Variants in CECR2 observed in about 807,000 individuals in gnomAD.
The protein encoded by CECR2 is CECR2 histone acetyl-lysine reader.
Under a neutral mutation model 154.5 loss-of-function variants are expected in CECR2, and 30 were observed. That is an observed-to-expected ratio of 0.19 (90% CI 0.15 to 0.26). The LOEUF (loss-of-function observed/expected upper bound fraction) is 0.26, where lower values mean the gene tolerates loss of function less well. Among genes scored for constraint, CECR2 ranks in the 10% least tolerant of loss-of-function variants. The pLI is 1.00. For missense variants in CECR2, 1,743 were observed against 1,829.3 expected, an observed-to-expected ratio of 0.95 and a Z score of 0.86; for synonymous variants, 725 against 683.7, an observed-to-expected ratio of 1.06 and a Z score of -0.94.
At chr22:17,422,139 TTTTC>T (rs1263230023) in intron 1 of CECR2, among the ~76,000 whole-genome samples, 1 of 152,132 alleles carries the variant, frequency 6.6e-6, no homozygotes, top group Non-Finnish European at 1.5e-5. Flanking sequence ...GTTTTCTTTC[TTTTC>T]TTTATGTGTA....
At chr22:17,478,888 A>G (rs1195545806) in intron 2 of CECR2, among the ~76,000 whole-genome samples, 1 of 152,212 alleles carries the variant, frequency 6.6e-6, no homozygotes, top group African/African-American at 2.4e-5. Flanking sequence ...AACATAAAAT[A>G]TACCTTAGAA....
At chr22:17,448,363 T>C (rs567003010) in intron 1 of CECR2, among the ~76,000 whole-genome samples, 2 of 152,314 alleles carry the variant, frequency 1.3e-5, no homozygotes, top group Non-Finnish European at 2.9e-5. Flanking sequence ...TATCATTAAG[T>C]TTTTGTAAAT....
At position 17,360,201 on chromosome 22, in the gene CECR2, C is replaced by T. The variant is rs927549083; in HGVS notation, c.-364+178C>T. On this transcript the variant is annotated intron_variant, in intron 1 of 18. Coordinates refer to the CECR2 transcript ENST00000400585. ...AAGGCTTAAACATAATCTTAAAATG[C>T]GGTGATTAGTTACGCAGAGCTGGGT... Among the ~76,000 whole-genome samples, 7 of 152,310 alleles carry T rather than the reference C, an allele frequency of 4.6e-5. No individual in the cohort carries two copies. In the South Asian group the frequency reaches 8.3e-4, roughly 18 times the overall value.
In CECR2 at chr22:17,548,682, A is replaced by G. The variant is rs2088415486; in HGVS notation, c.3395A>G (p.His1132Arg). The part of the protein sequence containing the change: ...PGLEYPNSAA[H>R]YHISPGLQGV... ...CTAGAGTACCCGAATTCAGCTGCCC[A>G]TTACCACATCAGTCCAGGCCTGCAG... Residue 1132 changes from histidine (H) to arginine (R), a missense_variant, in exon 17 of 19, where the codon CAT becomes CGT. Transcript: ENST00000262608. 6.8e-6 allele frequency: 11 copies of G among 1,613,434 alleles called. No homozygotes were observed. In the East Asian group the frequency reaches 1.3e-4, roughly 20 times the overall value.
intron 1 of CECR2, among the ~76,000 whole-genome samples, chr22:17,382,316 A>T (rs1425536220): frequency 6.6e-6 from 1 of 152,184 alleles, no homozygotes; most frequent in African/African-American, 2.4e-5. Context: ...GCAGTGGAGA[A>T]ACCAAGTTTT....
chr22:17,539,044 T>G lies in CECR2; in HGVS notation c.1420T>G (p.Cys474Gly). 6.2e-7 allele frequency: 1 copy of G among 1,613,932 alleles called. No individual in the cohort carries two copies. The highest frequency in any genetic ancestry group is 8.5e-7 in the Non-Finnish European group (1 of 1,179,820). Reference sequence around the variant, plus strand: ...GAAGAAACTGAATGGAGGTTTATACTGTACCAAGGAGGAATTTGTAAATGA... The same window carrying G: ...GAAGAAACTGAATGGAGGTTTATACGGTACCAAGGAGGAATTTGTAAATGA... ...MEKKLNGGLYCTKEEFVNDMK... is the reference protein window; with the variant it reads ...MEKKLNGGLYGTKEEFVNDMK... Residue 474 changes from cysteine (C) to glycine (G), a missense_variant, in exon 13 of 19, where the codon TGT becomes GGT. Around this residue, in one of 4 missense-constraint regions of CECR2, gnomAD observed 103 missense variants for 166.8 expected, o/e 0.62. Coordinates refer to ENST00000262608, the MANE Select transcript of CECR2 (RefSeq NM_001290047.2).
intron 1 of CECR2, among the ~76,000 whole-genome samples, chr22:17,372,091 C>CT (rs987504734): frequency 6.6e-6 from 1 of 151,034 alleles, no homozygotes; most frequent in African/African-American, 2.4e-5. Flanking sequence ...GGAAATGACA[C>CT]TTTTTTGGGG....
rs770335358 is a variant in CECR2 at position 17,542,175 on chromosome 22, A to C, written c.2032A>C (p.Ser678Arg). Residue 678 changes from serine to arginine, a missense_variant, in exon 16 of 19, where the codon AGC (serine) becomes CGC (arginine). Ser to Arg is a moderately radical substitution (Grantham distance 110, BLOSUM62 -1). This residue lies in a region of CECR2 where 1,250 missense variants were observed against 1,192.1 expected (regional missense o/e 1.05). Transcript: ENST00000262608. Reference protein sequence around the residue: ...FTMQPPVGINSLRGPRLGTPE... With the variant: ...FTMQPPVGINRLRGPRLGTPE... ...TTGCCAGCCTCCAGTTGGAATTAAC[A>C]GCCTCCGAGGACCCAGGCTAGGCAC... The C allele has an allele frequency of 4.8e-5, 78 of 1,610,678 alleles. 1 individual carries two copies. The Middle Eastern group carries it at 1.3e-3, about 27-fold the overall frequency.
chr22:17,483,776 A>C (rs1477574404), intron 2 of CECR2, among the ~76,000 whole-genome samples: 1 of 152,198 alleles, frequency 6.6e-6, no homozygotes, highest in African/African-American at 2.4e-5. Flanking sequence ...AGCATTTAGA[A>C]AGTTTACAGT....
chr22:17,394,192 C>G (rs5746360), intron 1 of CECR2, among the ~76,000 whole-genome samples: 1 of 125,642 alleles, frequency 8.0e-6, no homozygotes, highest in African/African-American at 2.9e-5. Context: ...CAGCTGCTGC[C>G]GCTGCTTTTT....
intron 2 of CECR2, among the ~76,000 whole-genome samples, chr22:17,480,261 T>C (rs1326006843): frequency 6.6e-6 from 1 of 152,148 alleles, no homozygotes; most frequent in Non-Finnish European, 1.5e-5. Context: ...ACCCTAAAAC[T>C]TAGCAACTTA....
At chr22:17,429,761 G>A (rs1404094622) in intron 1 of CECR2, among the ~76,000 whole-genome samples, 4 of 152,138 alleles carry the variant, frequency 2.6e-5, no homozygotes, top group South Asian at 2.1e-4. Flanking sequence ...ATAAGGAAAT[G>A]GGTAGGTTAG....
intron 9 of CECR2, among the ~76,000 whole-genome samples, chr22:17,526,852 A>G (rs1223303562): frequency 2.0e-5 from 3 of 151,690 alleles, no homozygotes; most frequent in Non-Finnish European, 4.4e-5. Flanking sequence ...AAGACCTCAA[A>G]TTATGAAACT....
At chr22:17,372,398 G>GCT (rs1461307313) in intron 1 of CECR2, among the ~76,000 whole-genome samples, 1 of 152,170 alleles carries the variant, frequency 6.6e-6, no homozygotes, top group East Asian at 1.9e-4. Context: ...CGACTCGGTG[G>GCT]CTCACCCCTG....
intron 2 of CECR2, among the ~76,000 whole-genome samples, chr22:17,485,259 A>G (rs908605095): frequency 7.9e-5 from 12 of 152,204 alleles, no homozygotes; most frequent in Middle Eastern, 3.2e-3. Flanking sequence ...ACAGCTGGTA[A>G]TTGAGACAGT....
chr22:17,514,291 T>C (rs1289383314), intron 8 of CECR2, among the ~76,000 whole-genome samples: 1 of 152,162 alleles, frequency 6.6e-6, no homozygotes, highest in East Asian at 1.9e-4. Context: ...AATGTGCTGC[T>C]AACGGGAGCA....
At chr22:17,399,316 T>G (rs922248449) in intron 1 of CECR2, among the ~76,000 whole-genome samples, 3 of 152,154 alleles carry the variant, frequency 2.0e-5, no homozygotes, top group African/African-American at 7.2e-5. Flanking sequence ...CTTTTAGCTC[T>G]CACATTTTAT....
chr22:17,510,428 C>G (rs1469299729), intron 7 of CECR2, among the ~76,000 whole-genome samples: 1 of 151,836 alleles, frequency 6.6e-6, no homozygotes, highest in Non-Finnish European at 1.5e-5. Flanking sequence ...TATGATTGCA[C>G]CACTGCACTC....
At chr22:17,383,751 G>A (rs965566176) in intron 1 of CECR2, among the ~76,000 whole-genome samples, 12 of 140,178 alleles carry the variant, frequency 8.6e-5, no homozygotes, top group South Asian at 4.6e-4. Context: ...TGCAAACTCC[G>A]CTTCCTGGGT....
Sources: gnomAD v4.1 joint callset for allele counts (sites outside exome capture counted in the v4.1 genomes callset) on GRCh38, gnomAD v4.1.1 for gene constraint, gnomAD v4.1.1 regional missense constraint, MANE v1.5 for transcripts, NCBI Gene and HGNC (gene_info 2026-07-23, HGNC 2026-07-21) for gene names.